The following ERBB4 variants were observed in gnomAD, a reference collection of about 807,000 sequenced individuals.
ERBB4 encodes the protein erb-b2 receptor tyrosine kinase 4, also known as receptor tyrosine-protein kinase erbB-4.
ERBB4 carries 42 observed loss-of-function variants against 158.0 expected under a neutral mutation model. The ratio of observed to expected loss-of-function variants is 0.27; its 90% CI spans 0.21 to 0.34. The LOEUF (loss-of-function observed/expected upper bound fraction) is 0.34. Ranked by LOEUF, ERBB4 falls within the 10% of genes least tolerant of loss-of-function variation. The probability of loss-of-function intolerance (pLI) is 1.00; values close to 1 mark genes in which losing one functional copy is unlikely to be tolerated. For synonymous variants in ERBB4, 583 were observed against 558.7 expected (o/e 1.04, Z -0.61); for missense variants, 1,333 against 1,624.1 (o/e 0.82, Z 3.08).
At chr2:212,010,989 C>A (rs999405774) in intron 2 of ERBB4, among the ~76,000 whole-genome samples, 2 of 152,110 alleles carry the variant, frequency 1.3e-5, no homozygotes, top group African/African-American at 4.8e-5. Flanking sequence ...GCAGTCAGAC[C>A]TTATGGTTGT....
At chr2:212,299,049 G>A (rs917430442) in intron 1 of ERBB4, among the ~76,000 whole-genome samples, 4 of 151,504 alleles carry the variant, frequency 2.6e-5, no homozygotes, top group African/African-American at 9.7e-5. Context: ...TGAGTTAAAG[G>A]CTTTATATAA....
intron 3 of ERBB4, among the ~76,000 whole-genome samples, chr2:211,913,362 G>A (rs2079587353): frequency 6.6e-6 from 1 of 152,114 alleles, no homozygotes. Context: ...CACTTTGGGA[G>A]GCTGAGGCGG....
chr2:211,597,166 AGAGAG>A (rs1191870695), intron 19 of ERBB4, among the ~76,000 whole-genome samples: 4 of 152,224 alleles, frequency 2.6e-5, no homozygotes, highest in Admixed American at 6.5e-5. Context: ...AATGGTCTAT[AGAGAG>A]GAGGGTTAGG....
chr2:212,271,764 T>C (rs1272435027), intron 1 of ERBB4, among the ~76,000 whole-genome samples: 5 of 151,724 alleles, frequency 3.3e-5, no homozygotes, highest in African/African-American at 7.2e-5. Flanking sequence ...TTCCTCCAGA[T>C]AGAGTTGGTA....
intron 2 of ERBB4, among the ~76,000 whole-genome samples, chr2:212,028,903 G>A (rs183304953): frequency 6.6e-6 from 1 of 152,186 alleles, no homozygotes; most frequent in East Asian, 1.9e-4. Flanking sequence ...TAGTGAAGTA[G>A]GAGGCAGGAT....
intron 1 of ERBB4, among the ~76,000 whole-genome samples, chr2:212,464,579 A>T (rs867192173): frequency 1.3e-5 from 2 of 152,222 alleles, no homozygotes; most frequent in Middle Eastern, 3.4e-3. Flanking sequence ...CATGGATCGT[A>T]GTTTCAAAGG....
chr2:212,350,205 T>G (rs959103068), intron 1 of ERBB4, among the ~76,000 whole-genome samples: 1 of 152,162 alleles, frequency 6.6e-6, no homozygotes, highest in Non-Finnish European at 1.5e-5. Context: ...TGATTAATTA[T>G]GTGTGATATA....
At chr2:212,533,447 G>A (rs1692865620) in intron 1 of ERBB4, among the ~76,000 whole-genome samples, 1 of 152,130 alleles carries the variant, frequency 6.6e-6, no homozygotes, top group East Asian at 1.9e-4. Flanking sequence ...TAAGAAACTC[G>A]AGAACTGTCT....
intron 1 of ERBB4, among the ~76,000 whole-genome samples, chr2:212,500,527 T>C (rs866456352): frequency 3.3e-5 from 5 of 152,138 alleles, no homozygotes; most frequent in South Asian, 4.1e-4. Context: ...TTTTTCATTT[T>C]GTTGACTCAC....
intron 20 of ERBB4, among the ~76,000 whole-genome samples, chr2:211,515,912 A>ATATATACATATATATT (rs35696520): frequency 1.3e-5 from 1 of 78,976 alleles, no homozygotes; most frequent in East Asian, 3.3e-4. Context: ...ATATATATAT[A>ATATATACATATATATT]TTTTTTTTTT....
At chr2:212,358,574 C>T (rs1412084259) in intron 1 of ERBB4, among the ~76,000 whole-genome samples, 1 of 151,514 alleles carries the variant, frequency 6.6e-6, no homozygotes, top group African/African-American at 2.4e-5. Context: ...ATTAAAATTT[C>T]TTGATTAATG....
intron 17 of ERBB4, among the ~76,000 whole-genome samples, chr2:211,624,908 G>A (rs2069778241): frequency 6.6e-6 from 1 of 152,044 alleles, no homozygotes; most frequent in Non-Finnish European, 1.5e-5. Flanking sequence ...AAGGGTGAGA[G>A]TACGGTGGGA....
chr2:212,243,757 T>C (rs950512340), intron 1 of ERBB4, among the ~76,000 whole-genome samples: 32 of 152,098 alleles, frequency 2.1e-4, no homozygotes, highest in Admixed American at 2.0e-4. Flanking sequence ...AGATATCAAA[T>C]GATGCCACCA....
At chr2:212,436,841 T>C (rs2092147326) in intron 1 of ERBB4, among the ~76,000 whole-genome samples, 1 of 151,998 alleles carries the variant, frequency 6.6e-6, no homozygotes, top group Non-Finnish European at 1.5e-5. Flanking sequence ...GCTTCATCAT[T>C]AATTCCAGCA....
intron 12 of ERBB4, among the ~76,000 whole-genome samples, chr2:211,681,887 T>C (rs10191972): frequency 0.87 from 131,748 of 151,830 alleles, 57,275 homozygotes; most frequent in East Asian, 0.91. Context: ...AAAAAGTTTT[T>C]GGTGTGTCCA....
chr2:212,021,769 A>C (rs146292407), intron 2 of ERBB4, among the ~76,000 whole-genome samples: 16 of 152,288 alleles, frequency 1.1e-4, no homozygotes, highest in African/African-American at 3.6e-4. Flanking sequence ...AGGAACTATC[A>C]TCAGAATGAA....
At chr2:211,454,148 C>T (rs952920648) in intron 20 of ERBB4, among the ~76,000 whole-genome samples, 14 of 152,110 alleles carry the variant, frequency 9.2e-5, no homozygotes, top group African/African-American at 2.2e-4. Flanking sequence ...ATGAAGCTAA[C>T]GTTGTGATTA....
intron 4 of ERBB4, among the ~76,000 whole-genome samples, chr2:211,750,946 T>C (rs1452228151): frequency 1.3e-5 from 2 of 152,150 alleles, no homozygotes; most frequent in Non-Finnish European, 2.9e-5. Context: ...GAAAATAAAA[T>C]AAATGAATTT....
At chr2:211,706,604 A>AC (rs1553614608) in intron 9 of ERBB4, among the ~76,000 whole-genome samples, 3,736 of 149,592 alleles carry the variant, frequency 0.025, 150 homozygotes, top group African/African-American at 0.088. Flanking sequence ...AAAAAAACAA[A>AC]AAAAAAAAAA....
Sources: gnomAD v4.1 joint callset for allele counts (sites outside exome capture counted in the v4.1 genomes callset) on GRCh38, gnomAD v4.1.1 for gene constraint, MANE v1.5 for transcripts, NCBI Gene and HGNC (gene_info 2026-07-23, HGNC 2026-07-21) for gene names.